MYT1L: variants seen among roughly 807,000 people sequenced by gnomAD.
MYT1L encodes myelin transcription factor 1 like.
Under a neutral mutation model 126.7 loss-of-function variants are expected in MYT1L, and 12 were observed. The ratio of observed to expected loss-of-function variants is 0.09; its 90% CI spans 0.06 to 0.15. The LOEUF is 0.15. Among genes scored for constraint, MYT1L ranks in the 10% least tolerant of loss-of-function variants. MYT1L has a pLI of 1.00. For synonymous variants in MYT1L, 541 were observed against 604.2 expected, an observed-to-expected ratio of 0.90 and a Z score of 1.53; for missense variants, 979 against 1,585.2, an observed-to-expected ratio of 0.62 and a Z score of 6.49.
chr2:2,239,868 T>G (rs894263219), intron 2 of MYT1L, among the ~76,000 whole-genome samples: 1 of 150,830 alleles, frequency 6.6e-6, no homozygotes, highest in East Asian at 2.0e-4. Flanking sequence ...GGGGAGCTCT[T>G]GAGTCTTCTC....
intron 14 of MYT1L, chr2:1,902,755 A>G (rs902255827): frequency 2.9e-6 from 1 of 344,360 alleles, no homozygotes; most frequent in African/African-American, 2.1e-5. Context: ...AGCGTATAAC[A>G]TAAGGGCACT....
chr2:2,146,275 A>G (rs1308953517), intron 3 of MYT1L, among the ~76,000 whole-genome samples: 2 of 152,252 alleles, frequency 1.3e-5, no homozygotes, highest in Non-Finnish European at 2.9e-5. Context: ...TGGCATTACA[A>G]TGAAATAACT....
intron 2 of MYT1L, among the ~76,000 whole-genome samples, chr2:2,277,186 G>A (rs975500330): frequency 6.6e-6 from 1 of 151,934 alleles, no homozygotes; most frequent in Non-Finnish European, 1.5e-5. Flanking sequence ...TGGGGTTTAT[G>A]TTCTCTATCT....
intron 10 of MYT1L, among the ~76,000 whole-genome samples, chr2:1,921,928 C>T (rs1227211721): frequency 6.6e-6 from 1 of 152,132 alleles, no homozygotes; most frequent in Non-Finnish European, 1.5e-5. Flanking sequence ...TAAACCCTTG[C>T]CACTCAGCAT....
intron 3 of MYT1L, among the ~76,000 whole-genome samples, chr2:2,101,745 CACCTATCCATCT>C (rs2078119817): frequency 6.6e-6 from 1 of 152,182 alleles, no homozygotes; most frequent in African/African-American, 2.4e-5. Context: ...CCCATCCATC[CACCTATCCATCT>C]ATCTATCCAT....
intron 1 of MYT1L, among the ~76,000 whole-genome samples, chr2:2,299,890 C>T (rs1362115063): frequency 6.6e-6 from 1 of 152,168 alleles, no homozygotes; most frequent in Non-Finnish European, 1.5e-5. Context: ...AGATCATCTT[C>T]CGGCAGCCTA....
intron 10 of MYT1L, among the ~76,000 whole-genome samples, chr2:1,919,792 A>G (rs887102846): frequency 6.6e-6 from 1 of 152,102 alleles, no homozygotes; most frequent in Non-Finnish European, 1.5e-5. Flanking sequence ...TCAGTGGCAC[A>G]ATCTCGGCTC....
intron 2 of MYT1L, among the ~76,000 whole-genome samples, chr2:2,199,720 C>T (rs1359536532): frequency 6.6e-6 from 1 of 152,176 alleles, no homozygotes; most frequent in East Asian, 1.9e-4. Context: ...GCTGAATTCT[C>T]TGGCCCAGCT....
intron 4 of MYT1L, among the ~76,000 whole-genome samples, chr2:2,004,784 A>AGGCT (rs1558703078): frequency 4.0e-5 from 2 of 50,400 alleles, no homozygotes; most frequent in African/African-American, 1.7e-4. Flanking sequence ...TCCTGCAGGC[A>AGGCT]TTCTTTCCTG....
intron 1 of MYT1L, among the ~76,000 whole-genome samples, chr2:2,318,005 T>C (rs894408529): frequency 6.6e-6 from 1 of 152,186 alleles, no homozygotes; most frequent in African/African-American, 2.4e-5. Context: ...AAGGACGAGA[T>C]GTGTGAAAAT....
At chr2:2,110,774 C>T (rs1236294171) in intron 3 of MYT1L, among the ~76,000 whole-genome samples, 1 of 152,138 alleles carries the variant, frequency 6.6e-6, no homozygotes, top group Non-Finnish European at 1.5e-5. Flanking sequence ...TGGAAGCAGG[C>T]ATGGAGATGG....
intron 18 of MYT1L, among the ~76,000 whole-genome samples, chr2:1,875,169 C>T (rs1043971828): frequency 2.0e-5 from 3 of 152,152 alleles, no homozygotes; most frequent in Admixed American, 1.3e-4. Context: ...CCGGCGCAGG[C>T]GGAAGATACT....
chr2:1,921,018 C>G (rs758250762), intron 10 of MYT1L, among the ~76,000 whole-genome samples: 8 of 152,192 alleles, frequency 5.3e-5, no homozygotes, highest in Non-Finnish European at 1.2e-4. Flanking sequence ...TAGCTTGCCG[C>G]AGAAGGTAGG....
chr2:2,136,971 G>A (rs890393249), intron 3 of MYT1L, among the ~76,000 whole-genome samples: 7 of 152,204 alleles, frequency 4.6e-5, no homozygotes, highest in Admixed American at 2.0e-4. Context: ...TCCTTAAGCT[G>A]ATAAGAAACT....
intron 2 of MYT1L, among the ~76,000 whole-genome samples, chr2:2,190,317 C>T (rs1296174379): frequency 6.6e-6 from 1 of 151,820 alleles, no homozygotes; most frequent in Non-Finnish European, 1.5e-5. Flanking sequence ...ATTAGCCAGG[C>T]AGTGGCACAC....
intron 21 of MYT1L, among the ~76,000 whole-genome samples, chr2:1,818,843 T>G (rs1164654755): frequency 6.6e-6 from 1 of 152,200 alleles, no homozygotes; most frequent in Non-Finnish European, 1.5e-5. Flanking sequence ...CTAAAAATAT[T>G]CTGTGCCAAA....
intron 3 of MYT1L, among the ~76,000 whole-genome samples, chr2:2,165,201 T>C (rs2088832214): frequency 6.6e-6 from 1 of 152,220 alleles, no homozygotes; most frequent in African/African-American, 2.4e-5. Flanking sequence ...CAGTTTAAAG[T>C]ATGTCTGTAA....
At chr2:2,185,950 C>T (rs551520641) in intron 2 of MYT1L, among the ~76,000 whole-genome samples, 1 of 121,946 alleles carries the variant, frequency 8.2e-6, no homozygotes, top group African/African-American at 3.7e-5. Context: ...CGGACGCAGC[C>T]GGGCCTCCCA....
At position 1,852,454 on chromosome 2, in the gene MYT1L, A is replaced by G. The variant is rs1386782167; in HGVS notation, c.2712-751T>C. Among the ~76,000 whole-genome samples the G allele has an allele frequency of 6.6e-6, 1 of 152,172 alleles. No homozygotes were observed. The highest frequency in any genetic ancestry group is 1.9e-4 in the East Asian group (1 of 5,192). On this transcript the variant is annotated intron_variant, in intron 18 of 24. Transcript: ENST00000647738. This position sits in a 1 kb window ranked among gnomAD's most constrained non-coding sequence, Gnocchi z 4.0. ...GGCAACCCCATCCCGTTTCTTAATTAAGGTCTTGCTATTTCTCTAATCAGA... is the reference window on the plus strand; with the variant it reads ...GGCAACCCCATCCCGTTTCTTAATTGAGGTCTTGCTATTTCTCTAATCAGA...
Sources: allele counts gnomAD v4.1 joint callset (sites outside exome capture counted in the v4.1 genomes callset), GRCh38; gene constraint gnomAD v4.1.1; non-coding constraint Gnocchi (gnomAD v3.1); transcripts MANE v1.5; gene names NCBI Gene and HGNC (gene_info 2026-07-23, HGNC 2026-07-21).